The following DIS3L2 variants were observed in gnomAD, a reference collection of about 807,000 sequenced individuals.
DIS3L2 encodes DIS3 like 3'-5' exoribonuclease 2, also known as DIS3-like exonuclease 2.
A neutral mutation model predicts 97.5 loss-of-function variants in DIS3L2; 34 were observed. The observed-to-expected ratio is 0.35, with a 90% CI of 0.27 to 0.46. DIS3L2 has a LOEUF of 0.46. Among genes scored for constraint, DIS3L2 ranks in the 20% least tolerant of loss-of-function variants. The pLI, the probability that DIS3L2 is intolerant of heterozygous loss-of-function variation, is 1.00. For missense variants in DIS3L2, 1,038 were observed against 1,146.0 expected (o/e 0.91, Z 1.36); for synonymous variants, 435 against 445.2 (o/e 0.98, Z 0.29).
At chr2:232,305,190 C>T (rs1694956378) in intron 14 of DIS3L2, among the ~76,000 whole-genome samples, 1 of 152,170 alleles carries the variant, frequency 6.6e-6, no homozygotes, top group African/African-American at 2.4e-5. Flanking sequence ...ATTCTCTTGC[C>T]TCAGCCTCCT....
At position 232,336,728 on chromosome 2, in the gene DIS3L2, TAAC is replaced by T. The variant is rs757643099; in HGVS notation, c.*102_*104del. Reference sequence around the variant, plus strand: ...GGAGGGGGGTTTTTAATTTGGTTTTTAACAACTCAGGGGTTTGTTTTTATTTTT... The same window carrying T: ...GGAGGGGGGTTTTTAATTTGGTTTTTAACTCAGGGGTTTGTTTTTATTTTT... On this transcript the variant is annotated 3_prime_UTR_variant, in exon 21 of 21. Coordinates refer to ENST00000325385, the MANE Select transcript of DIS3L2 (RefSeq NM_152383.5). 3.3e-6 allele frequency: 5 copies of T among 1,503,290 alleles called. No individual in the cohort carries two copies. In the Admixed American group the frequency reaches 7.8e-5, roughly 23 times the overall value. 93.1% of individuals were successfully genotyped at this position (1,503,290 alleles called of 1,614,324 possible).
intron 1 of DIS3L2, among the ~76,000 whole-genome samples, chr2:232,011,082 T>C (rs934044686): frequency 2.6e-5 from 4 of 152,224 alleles, no homozygotes; most frequent in African/African-American, 7.2e-5. Context: ...TCTTGTACCA[T>C]GTGACATTAT....
At chr2:232,334,756 C>T (rs1462728170) in intron 19 of DIS3L2, 21 bp downstream of exon 19, 6 of 1,577,602 alleles carry the variant, frequency 3.8e-6, no homozygotes, top group Admixed American at 1.8e-5. Context: ...TGGGAGAGCC[C>T]GGGGGCGGGC....
chr2:232,072,528 A>G (rs1559596952), intron 5 of DIS3L2, among the ~76,000 whole-genome samples: 1 of 152,128 alleles, frequency 6.6e-6, no homozygotes, highest in Admixed American at 6.5e-5. Flanking sequence ...CCTTTACATC[A>G]TAGGTAGGAT....
At chr2:232,245,119 TG>T (rs1693213834) in intron 11 of DIS3L2, among the ~76,000 whole-genome samples, 1 of 152,188 alleles carries the variant, frequency 6.6e-6, no homozygotes, top group African/African-American at 2.4e-5. Context: ...GGTCAGGGAA[TG>T]TATGAACATT....
chr2:232,047,812 A>G (rs537739197), intron 5 of DIS3L2, among the ~76,000 whole-genome samples: 4 of 152,348 alleles, frequency 2.6e-5, no homozygotes, highest in African/African-American at 9.6e-5. Context: ...TATAAATAGA[A>G]TTGTACAATA....
rs1403639894 is a variant in DIS3L2, at chr2:232,276,385, G to A, written c.1659+12945G>A. ...TCTCAGGCTTACCCACCTCCCTGGT[G>A]GCTATGCCAGAGCACAGCTGAGCTC... On this transcript the variant is annotated intron_variant, in intron 13 of 20. Transcript: ENST00000325385. This position sits in a 1 kb window ranked among gnomAD's most constrained non-coding sequence, Gnocchi z 4.4. 6.6e-6 allele frequency among the ~76,000 whole-genome samples: 1 copy of A among 152,194 alleles called. No individual in the cohort carries two copies. The highest frequency in any genetic ancestry group is 1.5e-5 in the Non-Finnish European group (1 of 68,026).
At chr2:232,183,595 T>C (rs1691351648) in intron 9 of DIS3L2, among the ~76,000 whole-genome samples, 1 of 152,234 alleles carries the variant, frequency 6.6e-6, no homozygotes, top group African/African-American at 2.4e-5. Context: ...TCCCCAGGAA[T>C]GTGTCAGACC....
intron 1 of DIS3L2, among the ~76,000 whole-genome samples, chr2:231,995,123 AGTT>A (rs1462970949): frequency 6.6e-6 from 1 of 151,958 alleles, no homozygotes; most frequent in African/African-American, 2.4e-5. Context: ...AATATTCTGT[AGTT>A]GTCTTTTTTT....
chr2:232,224,525 C>T (rs953750240), intron 10 of DIS3L2, among the ~76,000 whole-genome samples: 15 of 152,158 alleles, frequency 9.9e-5, no homozygotes, highest in Middle Eastern at 3.4e-3. Context: ...TTAAGAACAT[C>T]CATTCATCAA....
At chr2:232,219,712 C>T (rs1053824773) in intron 10 of DIS3L2, among the ~76,000 whole-genome samples, 2 of 152,118 alleles carry the variant, frequency 1.3e-5, no homozygotes, top group Non-Finnish European at 2.9e-5. Context: ...AGGTGTCTTG[C>T]GTGGTCTGCA....
At chr2:232,056,415 A>G (rs1695552215) in intron 5 of DIS3L2, among the ~76,000 whole-genome samples, 3 of 152,236 alleles carry the variant, frequency 2.0e-5, no homozygotes, top group South Asian at 4.2e-4. Flanking sequence ...AACAGTAACC[A>G]TGAAGGAGAA....
intron 10 of DIS3L2, among the ~76,000 whole-genome samples, chr2:232,236,513 G>C (rs150458059): frequency 1.3e-5 from 2 of 152,208 alleles, no homozygotes; most frequent in African/African-American, 2.4e-5. Flanking sequence ...TTCTTTCTTA[G>C]ACTATTATTT....
At chr2:232,045,028 A>G (rs578056607) in intron 5 of DIS3L2, among the ~76,000 whole-genome samples, 1 of 152,260 alleles carries the variant, frequency 6.6e-6, no homozygotes, top group Non-Finnish European at 1.5e-5. Flanking sequence ...TAGTGGAGCA[A>G]TAATAGAGTG....
intron 3 of DIS3L2, among the ~76,000 whole-genome samples, chr2:232,023,886 C>T (rs925320983): frequency 2.1e-5 from 3 of 141,246 alleles, no homozygotes; most frequent in Admixed American, 2.0e-4. Flanking sequence ...GGTCTTGGAA[C>T]TGGGAGAAAA....
At chr2:232,001,090 C>T (rs1693888257) in intron 1 of DIS3L2, among the ~76,000 whole-genome samples, 1 of 152,118 alleles carries the variant, frequency 6.6e-6, no homozygotes, top group Non-Finnish European at 1.5e-5. Context: ...ATTCCTGGAT[C>T]ATAGGGTAGT....
At chr2:232,095,320 G>A (rs1330159875) in intron 6 of DIS3L2, among the ~76,000 whole-genome samples, 1 of 152,046 alleles carries the variant, frequency 6.6e-6, no homozygotes, top group South Asian at 2.1e-4. Context: ...TGTATTTGTT[G>A]TATGTTTTTT....
intron 9 of DIS3L2, among the ~76,000 whole-genome samples, chr2:232,208,936 G>A (rs1258922101): frequency 2.6e-5 from 4 of 151,970 alleles, no homozygotes; most frequent in Admixed American, 1.3e-4. Context: ...TCTGAGGTGG[G>A]AGGATTATTT....
At chr2:231,977,003 G>A (rs901179258) in intron 1 of DIS3L2, among the ~76,000 whole-genome samples, 1 of 152,000 alleles carries the variant, frequency 6.6e-6, no homozygotes, top group Admixed American at 6.6e-5. Flanking sequence ...TCCTGACCTC[G>A]TGATCCGCCC....
Sources: gnomAD v4.1 joint callset for allele counts (sites outside exome capture counted in the v4.1 genomes callset) on GRCh38, gnomAD v4.1.1 for gene constraint, Gnocchi (gnomAD v3.1) non-coding constraint, MANE v1.5 for transcripts, NCBI Gene and HGNC (gene_info 2026-07-23, HGNC 2026-07-21) for gene names.